The following ERLIN2 variants were observed in gnomAD, a reference collection of about 807,000 sequenced individuals.
ERLIN2 encodes ER lipid raft associated 2, also known as erlin-2.
Under a neutral mutation model 41.5 loss-of-function variants are expected in ERLIN2, and 22 were observed. The ratio of observed to expected loss-of-function variants is 0.53; its 90% CI spans 0.38 to 0.76. The LOEUF (loss-of-function observed/expected upper bound fraction) is 0.76, where lower values mean the gene tolerates loss of function less well. Ranked by LOEUF, ERLIN2 falls within the 30% of genes least tolerant of loss-of-function variation. The pLI, the probability that ERLIN2 is intolerant of heterozygous loss-of-function variation, is 0.00. For synonymous variants in ERLIN2, 149 were observed against 150.9 expected (o/e 0.99, Z 0.09); for missense variants, 247 against 414.3 (o/e 0.60, Z 3.51).
intron 6 of ERLIN2, chr8:37,746,351 C>A (rs1392271125): frequency 3.0e-5 from 30 of 985,136 alleles, no homozygotes; most frequent in Non-Finnish European, 3.6e-5. Context: ...TTGAAGTTTA[C>A]CTGAAGAACC....
intron 6 of ERLIN2, chr8:37,747,330 G>C: frequency 1.7e-6 from 2 of 1,186,742 alleles, no homozygotes; most frequent in Non-Finnish European, 2.5e-6. Flanking sequence ...CAGAAAAAAA[G>C]CCTGGTTATT....
At chr8:37,745,466 G>A (rs1803010422) in intron 6 of ERLIN2, 1 of 1,122,412 alleles carries the variant, frequency 8.9e-7, no homozygotes, top group East Asian at 2.4e-5. Context: ...TAACTTGTTT[G>A]CAGTCAAGTA....
rs1189950310 is a variant in ERLIN2 at position 37,756,813 on chromosome 8, A to C, written c.*2698A>C. 1 of 152,640 alleles carries C rather than the reference A, an allele frequency of 6.6e-6. No homozygotes were observed. Among genetic ancestry groups the C allele is most frequent in the African/African-American group, 2.4e-5 (1 of 41,434 alleles). The allele number at this position is 152,640 out of a possible 1,614,324, so 9.5% of individuals were successfully genotyped here. On this transcript the variant is annotated 3_prime_UTR_variant, in exon 12 of 12. Transcript: ENST00000519638. ...GTAATGGCTGCTATTTATAAATGGA[A>C]CATCTATCAAAATAAGTAACTGTTT...
In ERLIN2 at chr8:37,751,897, G is replaced by C. The variant is rs572650936; in HGVS notation, c.739+182G>C. The stretch of plus-strand genomic sequence containing the variant: ...GGCTATTGTGGCCAGGCTAGCATCT[G>C]TTTTCTACTTCAGAGAGCATTTGTT... On this transcript the variant is annotated intron_variant, in intron 10 of 11. Coordinates refer to ENST00000519638, the MANE Select transcript of ERLIN2 (RefSeq NM_007175.8). Among the ~76,000 whole-genome samples, 4 of 152,332 alleles carry C rather than the reference G, an allele frequency of 2.6e-5. No homozygotes were observed. In the South Asian group the frequency reaches 8.3e-4, roughly 32 times the overall value.
At chr8:37,746,495 A>C (rs1803055466) in intron 6 of ERLIN2, 1 of 979,670 alleles carries the variant, frequency 1.0e-6, no homozygotes, top group Non-Finnish European at 1.2e-6. Flanking sequence ...AATAATACCT[A>C]TGTATACAAC....
Position 37,738,041 on chromosome 8 carries a change from A to C in ERLIN2, c.107+12A>C. The C allele has an allele frequency of 6.2e-7, 1 of 1,614,086 alleles. No individual in the cohort carries two copies. Among genetic ancestry groups the C allele is most frequent in the Non-Finnish European group, 8.5e-7 (1 of 1,179,938 alleles). The stretch of plus-strand genomic sequence containing the variant: ...GGGGTATATTACAGGTAAGGCAGAG[A>C]CAGGGAGAAGCCGGCAACTTCCTGT... On this transcript the variant is annotated intron_variant, in intron 2 of 11. Transcript: ENST00000519638.
intron 11 of ERLIN2, 33 bp from the exon 12 acceptor site, chr8:37,753,882 A>G (rs1469280707): frequency 3.8e-6 from 6 of 1,588,336 alleles, no homozygotes; most frequent in East Asian, 2.2e-5. Flanking sequence ...ATGGTTCAAC[A>G]TAAGTCTTCC....
Position 37,744,339 on chromosome 8 carries a change from A to G in ERLIN2, c.237-16A>G, listed in dbSNP as rs765178498. The G allele has an allele frequency of 1.9e-6, 3 of 1,611,188 alleles. No individual in the cohort carries two copies. The highest frequency in any genetic ancestry group is 1.7e-6 in the Non-Finnish European group (2 of 1,177,440). Reference sequence around the variant, plus strand: ...AAGGCTTCCCAGTGACTTCTTGTCCATTCTCCCTCCAATAGTGGTGGTGTG... The same window carrying G: ...AAGGCTTCCCAGTGACTTCTTGTCCGTTCTCCCTCCAATAGTGGTGGTGTG... On this transcript the variant is annotated splice_polypyrimidine_tract_variant and intron_variant, in intron 4 of 11. Transcript: ENST00000519638.
chr8:37,750,878 G>A (rs1399602446), intron 9 of ERLIN2, among the ~76,000 whole-genome samples: 6 of 151,946 alleles, frequency 3.9e-5, no homozygotes, highest in Admixed American at 3.3e-4. Context: ...GTGCCGGCAC[G>A]CCTGGCTAAT....
intron 9 of ERLIN2, among the ~76,000 whole-genome samples, chr8:37,750,889 T>C (rs780716642): frequency 3.3e-5 from 5 of 152,028 alleles, no homozygotes; most frequent in Non-Finnish European, 7.4e-5. Flanking sequence ...CCTGGCTAAT[T>C]TTTGTATTTT....
Position 37,744,562 on chromosome 8 carries a change from C to A in ERLIN2, c.299-9C>A. On this transcript the variant is annotated splice_polypyrimidine_tract_variant and intron_variant, in intron 5 of 11. Coordinates refer to ENST00000519638, the MANE Select transcript of ERLIN2 (RefSeq NM_007175.8). ...TTTTCTTATGCCAAGCCCTCTCCTT[C>A]CCTCTCAGTGTATGATATAGTGAAG... The A allele has an allele frequency of 1.2e-6, 2 of 1,614,138 alleles. No homozygotes were observed. The highest frequency in any genetic ancestry group is 1.7e-6 in the Non-Finnish European group (2 of 1,180,012).
rs1259574326 is a variant in ERLIN2, at chr8:37,757,783, T to A, written c.*3668T>A. ...CTCTCTAAAAATAAACAGATGAAAA[T>A]CTATCCCCATTATCGATACAGAATT... On this transcript the variant is annotated 3_prime_UTR_variant, in exon 12 of 12. Transcript: ENST00000519638. 1 of 152,154 alleles carries A rather than the reference T, an allele frequency of 6.6e-6. No homozygotes were observed. Among genetic ancestry groups the A allele is most frequent in the Non-Finnish European group, 1.5e-5 (1 of 68,026 alleles). 9.4% of individuals were successfully genotyped at this position (152,154 alleles called of 1,614,324 possible). A position where few individuals can be genotyped will look rare whatever the true frequency, so the allele number is the denominator to read the frequency against.
At chr8:37,753,070 T>C (rs1370762062) in intron 10 of ERLIN2, among the ~76,000 whole-genome samples, 1 of 152,172 alleles carries the variant, frequency 6.6e-6, no homozygotes, top group African/African-American at 2.4e-5. Flanking sequence ...GGCCTAGAGC[T>C]TGAGGCAGGG....
Position 37,751,680 on chromosome 8 carries a change from A to G in ERLIN2, c.704A>G (p.Glu235Gly), listed in dbSNP as rs200872267. The G allele has an allele frequency of 6.2e-7, 1 of 1,613,972 alleles. No individual in the cohort carries two copies. The highest frequency in any genetic ancestry group is 8.5e-7 in the Non-Finnish European group (1 of 1,179,832). ...ATCACCTACGGGCAGAAGGTGATGG[A>G]GAAGGAGACTGAGAAGAAGATTTCA... is the stretch of plus-strand genomic sequence containing the variant. The part of the protein sequence containing the change: ...AEITYGQKVM[E>G]KETEKKISEI... The change falls in exon 10 of 12, where the codon GAG becomes GGG. Residue 235 changes from glutamate to glycine, a missense_variant. Around this residue, in one of 3 missense-constraint regions of ERLIN2, gnomAD observed 153 missense variants for 256.4 expected, o/e 0.60. Coordinates refer to ENST00000519638, the MANE Select transcript of ERLIN2 (RefSeq NM_007175.8).
chr8:37,747,974 A>C (rs1316120706), intron 6 of ERLIN2: 1 of 1,614,112 alleles, frequency 6.2e-7, no homozygotes, highest in African/African-American at 1.3e-5. Flanking sequence ...GTGTCAGAGC[A>C]GACTACTGAC....
chr8:37,753,299 A>G, intron 10 of ERLIN2, 151 bp from the exon 11 acceptor site: 1 of 704,594 alleles, frequency 1.4e-6, no homozygotes, highest in South Asian at 1.5e-5. Context: ...CATGTAAAAC[A>G]CAGAGGAAAA....
intron 11 of ERLIN2, 134 bp from the exon 12 acceptor site, chr8:37,753,781 C>G (rs1803288073): frequency 7.1e-6 from 6 of 841,118 alleles, no homozygotes; most frequent in Non-Finnish European, 5.8e-6. Context: ...ATGACTGTCT[C>G]TTACAGAAAT....
In ERLIN2 at chr8:37,741,831, G is replaced by C; in HGVS notation, c.236+13G>C. 6.2e-7 allele frequency: 1 copy of C among 1,607,886 alleles called. No homozygotes were observed. Among genetic ancestry groups the C allele is most frequent in the South Asian group, 1.1e-5 (1 of 90,966 alleles). The stretch of plus-strand genomic sequence containing the variant: ...CTTGTGGGACTAGGTAAGGTACCCA[G>C]AATAAAGCTTTTAAGCCCAAATAAG... On this transcript the variant is annotated intron_variant, in intron 4 of 11. Transcript: ENST00000519638. This position sits in a 1 kb window ranked among gnomAD's most constrained non-coding sequence, Gnocchi z 4.8.
chr8:37,745,069 A>T (rs1802993655), intron 6 of ERLIN2: 1 of 563,072 alleles, frequency 1.8e-6, no homozygotes. Flanking sequence ...CCTCATTTTA[A>T]GCTGAGGGTA....
Sources: allele counts gnomAD v4.1 joint callset (sites outside exome capture counted in the v4.1 genomes callset), GRCh38; gene constraint gnomAD v4.1.1; regional missense constraint gnomAD v4.1.1; non-coding constraint Gnocchi (gnomAD v3.1); transcripts MANE v1.5; gene names NCBI Gene and HGNC (gene_info 2026-07-23, HGNC 2026-07-21).